CCSER1: variants seen among roughly 807,000 people sequenced by gnomAD.
The protein encoded by CCSER1 is serine-rich coiled-coil domain-containing protein 1.
CCSER1 carries 41 observed loss-of-function variants against 82.0 expected under a neutral mutation model. That is an observed-to-expected ratio of 0.50 (90% CI 0.39 to 0.65). The LOEUF is 0.65. CCSER1 is among the 30% of genes least tolerant of loss of function. The probability of loss-of-function intolerance (pLI) is 0.00; values close to 1 mark genes in which losing one functional copy is unlikely to be tolerated. For missense variants in CCSER1, 1,119 were observed against 1,064.2 expected, an observed-to-expected ratio of 1.05 and a Z score of -0.72; for synonymous variants, 414 against 383.9, an observed-to-expected ratio of 1.08 and a Z score of -0.92.
At chr4:90,727,054 G>C in intron 7 of CCSER1, 1 of 339,738 alleles carries the variant, frequency 2.9e-6, no homozygotes, top group Non-Finnish European at 5.8e-6. Context: ...GCAGCCTCTT[G>C]ATACTGAGGA....
At chr4:91,417,702 G>A (rs946304837) in intron 10 of CCSER1, among the ~76,000 whole-genome samples, 6 of 151,914 alleles carry the variant, frequency 3.9e-5, no homozygotes, top group Admixed American at 2.0e-4. Context: ...TGGGGGTCAA[G>A]GGGAGAGAGA....
chr4:91,312,289 C>T (rs1400484801), intron 10 of CCSER1, among the ~76,000 whole-genome samples: 2 of 151,520 alleles, frequency 1.3e-5, no homozygotes, highest in African/African-American at 4.8e-5. Context: ...TTCAGCAGGA[C>T]TTATAGGTAT....
intron 1 of CCSER1, among the ~76,000 whole-genome samples, chr4:90,197,184 AG>A (rs758722921): frequency 6.6e-5 from 10 of 152,156 alleles, no homozygotes; most frequent in Admixed American, 2.0e-4. Flanking sequence ...GATATTATAA[AG>A]GATACAGATG....
intron 7 of CCSER1, among the ~76,000 whole-genome samples, chr4:90,726,969 ATTCT>A (rs954371545): frequency 2.6e-5 from 4 of 152,132 alleles, no homozygotes; most frequent in African/African-American, 9.7e-5. Context: ...ATTTGACTGT[ATTCT>A]TTCATAGAAG....
At chr4:90,491,330 G>C (rs1379057728) in intron 5 of CCSER1, among the ~76,000 whole-genome samples, 3 of 152,030 alleles carry the variant, frequency 2.0e-5, no homozygotes, top group Admixed American at 2.0e-4. Flanking sequence ...GTCTGCTATT[G>C]GTGTATAAGA....
intron 10 of CCSER1, among the ~76,000 whole-genome samples, chr4:91,587,128 A>G (rs1578861745): frequency 1.3e-5 from 2 of 151,748 alleles, no homozygotes; most frequent in East Asian, 3.9e-4. Flanking sequence ...ACTCAACATA[A>G]CACACAATCT....
intron 1 of CCSER1, among the ~76,000 whole-genome samples, chr4:90,296,149 G>GA (rs763236551): frequency 2.6e-5 from 4 of 151,998 alleles, no homozygotes; most frequent in Non-Finnish European, 4.4e-5. Flanking sequence ...TTCAGACTCT[G>GA]AGACAGTCTT....
intron 10 of CCSER1, among the ~76,000 whole-genome samples, chr4:91,499,333 AC>A (rs1759086397): frequency 6.6e-6 from 1 of 151,954 alleles, no homozygotes; most frequent in Non-Finnish European, 1.5e-5. Context: ...TTTTTAAAGC[AC>A]TTTTTAGTTT....
chr4:90,479,030 C>T (rs575331736), intron 5 of CCSER1, among the ~76,000 whole-genome samples: 35 of 152,118 alleles, frequency 2.3e-4, no homozygotes, highest in African/African-American at 6.3e-4. Flanking sequence ...TGAGCCCCCA[C>T]GCGGGCCTGT....
chr4:90,411,640 C>T (rs368844427), intron 4 of CCSER1, among the ~76,000 whole-genome samples: 35 of 152,262 alleles, frequency 2.3e-4, no homozygotes, highest in East Asian at 1.5e-3. Context: ...CATGAGCTAT[C>T]TATGACAAAC....
Position 90,309,159 on chromosome 4 carries a change from C to G in CCSER1, c.875C>G (p.Ser292Cys), listed in dbSNP as rs760688762. 1.9e-6 allele frequency: 3 copies of G among 1,613,952 alleles called. No homozygotes were observed. The change falls in exon 2 of 11, where the codon TCT becomes TGT. Residue 292 changes from serine (S) to cysteine (C), a missense_variant. By Grantham distance (112) the Ser-to-Cys change is moderately radical. Coordinates refer to ENST00000509176, the MANE Select transcript of CCSER1 (RefSeq NM_001145065.2). ...SHCDNFGHND[S>C]TSQMSLNSAA... is the part of the protein sequence containing the mutation. ...TGTGACAACTTTGGCCACAATGATT[C>G]TACCTCTCAGATGTCCCTCAATTCT... is the stretch of plus-strand genomic sequence containing the variant.
At chr4:90,221,790 G>A (rs913146771) in intron 1 of CCSER1, among the ~76,000 whole-genome samples, 1 of 152,110 alleles carries the variant, frequency 6.6e-6, no homozygotes, top group African/African-American at 2.4e-5. Context: ...TATTTGAACT[G>A]ATCTGGTACA....
chr4:90,297,669 T>C (rs1027998172), intron 1 of CCSER1, among the ~76,000 whole-genome samples: 2 of 151,526 alleles, frequency 1.3e-5, no homozygotes, highest in Non-Finnish European at 2.9e-5. Flanking sequence ...ATACATCCCA[T>C]CAACACCTAA....
At chr4:90,835,097 C>T (rs1444969854) in intron 8 of CCSER1, among the ~76,000 whole-genome samples, 4 of 152,040 alleles carry the variant, frequency 2.6e-5, no homozygotes, top group Non-Finnish European at 4.4e-5. Context: ...TTTGGGAGGC[C>T]GAGGCGGATG....
At chr4:91,439,643 G>C (rs957085318) in intron 10 of CCSER1, among the ~76,000 whole-genome samples, 1 of 151,924 alleles carries the variant, frequency 6.6e-6, no homozygotes, top group Non-Finnish European at 1.5e-5. Context: ...GGGACTAAAT[G>C]CTCCAATTAA....
At chr4:90,358,944 A>G (rs1346558065) in intron 3 of CCSER1, among the ~76,000 whole-genome samples, 1 of 152,208 alleles carries the variant, frequency 6.6e-6, no homozygotes, top group East Asian at 1.9e-4. Context: ...AGTTACTCAG[A>G]ATATAGTTGG....
chr4:90,302,459 C>G (rs1399698493), intron 1 of CCSER1, among the ~76,000 whole-genome samples: 1 of 152,132 alleles, frequency 6.6e-6, no homozygotes, highest in Non-Finnish European at 1.5e-5. Context: ...GCATCCCAAG[C>G]TGGTGGACCC....
chr4:90,240,306 A>G (rs1345324104), intron 1 of CCSER1, among the ~76,000 whole-genome samples: 2 of 152,188 alleles, frequency 1.3e-5, no homozygotes, highest in Non-Finnish European at 2.9e-5. Context: ...TAGATGGCCC[A>G]TAGCCCTACA....
intron 3 of CCSER1, among the ~76,000 whole-genome samples, chr4:90,380,372 A>T (rs1280173065): frequency 1.3e-5 from 2 of 152,198 alleles, no homozygotes; most frequent in Non-Finnish European, 2.9e-5. Flanking sequence ...CCTAAAAAGT[A>T]ATATTTTAGT....
Sources: gnomAD v4.1 joint callset for allele counts (sites outside exome capture counted in the v4.1 genomes callset) on GRCh38, gnomAD v4.1.1 for gene constraint, MANE v1.5 for transcripts, NCBI Gene and HGNC (gene_info 2026-07-23, HGNC 2026-07-21) for gene names.